Variants in TIAM1 observed in about 807,000 individuals in gnomAD.
TIAM1 encodes rho guanine nucleotide exchange factor TIAM1.
Under a neutral mutation model 163.5 loss-of-function variants are expected in TIAM1, and 65 were observed. The ratio of observed to expected loss-of-function variants is 0.40; its 90% confidence interval spans 0.33 to 0.49. TIAM1 has a LOEUF of 0.49. TIAM1 is among the 20% of genes least tolerant of loss of function. The probability of loss-of-function intolerance (pLI) is 0.77; values close to 1 mark genes in which losing one functional copy is unlikely to be tolerated. For missense variants in TIAM1, 1,789 were observed against 2,044.7 expected, an observed-to-expected ratio of 0.87 and a Z score of 2.41; for synonymous variants, 833 against 810.1, an observed-to-expected ratio of 1.03 and a Z score of -0.48.
At chr21:31,161,520 T>C (rs1349173590) in intron 16 of TIAM1, among the ~76,000 whole-genome samples, 1 of 152,204 alleles carries the variant, frequency 6.6e-6, no homozygotes, top group Non-Finnish European at 1.5e-5. Flanking sequence ...AATTATTTAC[T>C]TGCTCAACTC....
chr21:31,130,538 G>A (rs1356827254), intron 24 of TIAM1, among the ~76,000 whole-genome samples: 3 of 152,146 alleles, frequency 2.0e-5, no homozygotes, highest in African/African-American at 7.2e-5. Context: ...CAAATGCAGT[G>A]AAGAGAGACA....
chr21:31,213,353 G>A, intron 10 of TIAM1, 45 bp downstream of exon 10: 1 of 1,529,782 alleles, frequency 6.5e-7, no homozygotes, highest in Non-Finnish European at 8.9e-7. Context: ...ATATGTTGAT[G>A]CACTTGTGGT....
intron 1 of TIAM1, among the ~76,000 whole-genome samples, chr21:31,469,757 G>A (rs917035221): frequency 1.3e-5 from 2 of 151,820 alleles, no homozygotes; most frequent in East Asian, 4.0e-4. Context: ...GTGTGAACCC[G>A]GGAGGCAGAG....
At chr21:31,448,765 C>T (rs532357742) in intron 2 of TIAM1, among the ~76,000 whole-genome samples, 1 of 152,222 alleles carries the variant, frequency 6.6e-6, no homozygotes, top group African/African-American at 2.4e-5. Context: ...ACTGTGGCAG[C>T]TCTCAGAACC....
chr21:31,533,263 G>A (rs978239358), intron 1 of TIAM1, among the ~76,000 whole-genome samples: 4 of 152,202 alleles, frequency 2.6e-5, no homozygotes, highest in African/African-American at 9.7e-5. Context: ...AGAAGGTGCA[G>A]TGAGCTGAGA....
intron 2 of TIAM1, among the ~76,000 whole-genome samples, chr21:31,404,502 AGT>A (rs2077215573): frequency 6.6e-6 from 1 of 151,362 alleles, no homozygotes; most frequent in South Asian, 2.1e-4. Context: ...GAAAAAAAAA[AGT>A]GTATGCCAAG....
At chr21:31,491,076 A>C (rs1202716823) in intron 1 of TIAM1, among the ~76,000 whole-genome samples, 1 of 152,206 alleles carries the variant, frequency 6.6e-6, no homozygotes, top group Non-Finnish European at 1.5e-5. Context: ...GGTTGCCGTG[A>C]GCCGGGATTG....
At chr21:31,247,586 A>G (rs1763887323) in intron 5 of TIAM1, among the ~76,000 whole-genome samples, 1 of 151,988 alleles carries the variant, frequency 6.6e-6, no homozygotes, top group Non-Finnish European at 1.5e-5. Context: ...TGTAAAGACA[A>G]GGTCTCACTA....
At chr21:31,284,088 C>T (rs1030585009) in intron 2 of TIAM1, among the ~76,000 whole-genome samples, 1 of 152,162 alleles carries the variant, frequency 6.6e-6, no homozygotes, top group Non-Finnish European at 1.5e-5. Flanking sequence ...CTGTCCTTTG[C>T]TATTTCACCA....
At chr21:31,427,678 A>C (rs1215753231) in intron 2 of TIAM1, among the ~76,000 whole-genome samples, 1 of 151,352 alleles carries the variant, frequency 6.6e-6, no homozygotes, top group Admixed American at 6.6e-5. Context: ...TTTTTAAAAA[A>C]TTAAAAATAG....
chr21:31,177,710 AC>A (rs998098928), intron 15 of TIAM1, among the ~76,000 whole-genome samples: 9 of 152,242 alleles, frequency 5.9e-5, no homozygotes, highest in Admixed American at 5.2e-4. Context: ...CATAGAAGAA[AC>A]AAACCTCTCT....
At chr21:31,416,194 T>C (rs1203155849) in intron 2 of TIAM1, among the ~76,000 whole-genome samples, 1 of 152,168 alleles carries the variant, frequency 6.6e-6, no homozygotes, top group African/African-American at 2.4e-5. Context: ...TCCTCTCCTA[T>C]TGTGCCCTGC....
At chr21:31,505,868 A>C (rs1202173014) in intron 1 of TIAM1, among the ~76,000 whole-genome samples, 1 of 151,698 alleles carries the variant, frequency 6.6e-6, no homozygotes, top group Non-Finnish European at 1.5e-5. Context: ...AATTAGCCGG[A>C]CGTGGTGGCG....
chr21:31,375,648 T>C (rs1232204404), intron 2 of TIAM1, among the ~76,000 whole-genome samples: 1 of 152,174 alleles, frequency 6.6e-6, no homozygotes, highest in Non-Finnish European at 1.5e-5. Flanking sequence ...TAGAAACCTA[T>C]ACATCCTGTG....
intron 8 of TIAM1, among the ~76,000 whole-genome samples, chr21:31,221,757 C>T (rs1229976614): frequency 4.6e-5 from 7 of 152,218 alleles, no homozygotes; most frequent in East Asian, 3.9e-4. Context: ...CATAAAAATG[C>T]GTCCTCAATG....
At chr21:31,213,296 A>G (rs1026780183) in intron 10 of TIAM1, 102 bp downstream of exon 10, 6 of 986,618 alleles carry the variant, frequency 6.1e-6, no homozygotes, top group East Asian at 2.7e-5. Flanking sequence ...AGTTTTTAAT[A>G]TTGAGTTTAC....
At chr21:31,373,564 C>T (rs890296059) in intron 2 of TIAM1, among the ~76,000 whole-genome samples, 1 of 152,128 alleles carries the variant, frequency 6.6e-6, no homozygotes, top group Admixed American at 6.5e-5. Flanking sequence ...ACAAATATGC[C>T]TTGAGCACCT....
intron 1 of TIAM1, among the ~76,000 whole-genome samples, chr21:31,503,326 T>G (rs537831588): frequency 2.7e-5 from 4 of 148,892 alleles, no homozygotes; most frequent in African/African-American, 9.9e-5. Context: ...ACCCGGGAGG[T>G]GGAGGTTGCA....
intron 1 of TIAM1, among the ~76,000 whole-genome samples, chr21:31,528,263 C>A (rs916618158): frequency 2.0e-5 from 3 of 152,126 alleles, no homozygotes; most frequent in Non-Finnish European, 4.4e-5. Context: ...CCCTATACTC[C>A]CAGCACTTTG....
Sources: gnomAD v4.1 joint callset for allele counts (sites outside exome capture counted in the v4.1 genomes callset) on GRCh38, gnomAD v4.1.1 for gene constraint, MANE v1.5 for transcripts, NCBI Gene and HGNC (gene_info 2026-07-23, HGNC 2026-07-21) for gene names.